The following NUP58 variants were observed in gnomAD, a reference collection of about 807,000 sequenced individuals.
The protein encoded by NUP58 is nucleoporin p58/p45.
In NUP58, 17 loss-of-function variants were observed where a neutral mutation model predicts 70.1. That is an observed-to-expected ratio of 0.24 (90% confidence interval 0.17 to 0.36). NUP58 has a LOEUF of 0.36. Ranked by LOEUF, NUP58 falls within the 10% of genes least tolerant of loss-of-function variation. The pLI, the probability that NUP58 is intolerant of heterozygous loss-of-function variation, is 1.00. For missense variants in NUP58, 644 were observed against 701.5 expected (o/e 0.92, Z 0.93); for synonymous variants, 275 against 257.6 (o/e 1.07, Z -0.65).
intron 3 of NUP58, among the ~76,000 whole-genome samples, chr13:25,348,927 C>T (rs2032078597): frequency 6.6e-6 from 1 of 152,126 alleles, no homozygotes; most frequent in African/African-American, 2.4e-5. Flanking sequence ...TTTACCAGTC[C>T]CTCCTGACAC....
intron 13 of NUP58, chr13:25,334,472 G>A: frequency 1.0e-6 from 1 of 985,036 alleles, no homozygotes; most frequent in African/African-American, 1.7e-5. Context: ...AAGGTGTAGT[G>A]TTAAATAGGA....
At chr13:25,310,519 CTT>C (rs34548230) in intron 3 of NUP58, among the ~76,000 whole-genome samples, 6 of 53,580 alleles carry the variant, frequency 1.1e-4, no homozygotes, top group African/African-American at 1.4e-4. Flanking sequence ...TGTGCCTGGC[CTT>C]TTTTTTTTTT....
At chr13:25,311,575 A>G (rs975455440) in intron 3 of NUP58, among the ~76,000 whole-genome samples, 3 of 151,390 alleles carry the variant, frequency 2.0e-5, no homozygotes, top group Non-Finnish European at 2.9e-5. Context: ...GGGTTTCACC[A>G]TGTTGGCCAG....
intron 13 of NUP58, chr13:25,332,339 GTGTC>G (rs1165243449): frequency 7.1e-6 from 7 of 985,262 alleles, no homozygotes; most frequent in Non-Finnish European, 8.4e-6. Context: ...ATTTGGTCCT[GTGTC>G]TTTCGGAGGT....
In NUP58 at chr13:25,337,580, C is replaced by T. The variant is rs117845434; in HGVS notation, c.1534+546C>T. Reference sequence around the variant, plus strand: ...CTTTCATAAGGTTAGTAAGGTAAGTCCTCTGCAAAAACATCATGCTAAATA... The same window carrying T: ...CTTTCATAAGGTTAGTAAGGTAAGTTCTCTGCAAAAACATCATGCTAAATA... On this transcript the variant is annotated intron_variant, in intron 14 of 15. Coordinates refer to ENST00000381736, the MANE Select transcript of NUP58 (RefSeq NM_014089.4). Among the ~76,000 whole-genome samples, 886 of 152,182 alleles carry T rather than the reference C, an allele frequency of 5.8e-3. 6 individuals carry two copies. The highest frequency in any genetic ancestry group is 0.013 in the South Asian group (63 of 4,826).
At chr13:25,322,161 T>C (rs1433429124) in intron 9 of NUP58, among the ~76,000 whole-genome samples, 1 of 152,224 alleles carries the variant, frequency 6.6e-6, no homozygotes, top group Non-Finnish European at 1.5e-5. Context: ...CCTGATCTGT[T>C]AATGAACTTC....
chr13:25,301,953 C>T (rs569463308), intron 1 of NUP58, 73 bp downstream of exon 1: 12 of 943,686 alleles, frequency 1.3e-5, no homozygotes, highest in African/African-American at 3.3e-5. Flanking sequence ...CCTTGGTGTC[C>T]CCATCCTGTC....
chr13:25,310,152 C>T, intron 3 of NUP58: 1 of 183,496 alleles, frequency 5.4e-6, no homozygotes, highest in Non-Finnish European at 1.2e-5. Context: ...AAGCGATCTT[C>T]TCTGGGGTTC....
intron 13 of NUP58, chr13:25,332,165 A>T (rs2031631291): frequency 2.9e-5 from 29 of 986,168 alleles, no homozygotes; most frequent in Non-Finnish European, 3.4e-5. Context: ...GAACAGCAAG[A>T]GCAGGAAAAA....
At chr13:25,332,730 A>G in intron 13 of NUP58, 1 of 985,468 alleles carries the variant, frequency 1.0e-6, no homozygotes, top group Non-Finnish European at 1.2e-6. Context: ...CCATGTGAAT[A>G]GTGGCTCGCA....
At position 25,301,662 on chromosome 13, in the gene NUP58, G is replaced by C. The variant is rs988584046; in HGVS notation, c.-112G>C. On this transcript the variant is annotated 5_prime_UTR_variant, in exon 1 of 16. Coordinates refer to ENST00000381736, the MANE Select transcript of NUP58 (RefSeq NM_014089.4). ...GCCGCCGTTGGGGCTGGAAGTTCCC[G>C]CCAGGTCCGTGCCGGGCGAGAGAGA... 1 of 544,790 alleles carries C rather than the reference G, an allele frequency of 1.8e-6. No homozygotes were observed. Among genetic ancestry groups the C allele is most frequent in the Non-Finnish European group, 3.0e-6 (1 of 329,376 alleles). 33.7% of individuals were successfully genotyped at this position (544,790 alleles called of 1,614,324 possible). A position where few individuals can be genotyped will look rare whatever the true frequency, so the allele number is the denominator to read the frequency against.
intron 9 of NUP58, among the ~76,000 whole-genome samples, 175 bp downstream of exon 9, chr13:25,321,268 T>C (rs1279379546): frequency 1.3e-5 from 2 of 152,238 alleles, no homozygotes; most frequent in Non-Finnish European, 2.9e-5. Flanking sequence ...GCGTTTTCTG[T>C]ATACAAGACA....
At chr13:25,344,390 G>A (rs542429861), downstream of NUP58, among the ~76,000 whole-genome samples, 5 of 152,232 alleles carry the variant, frequency 3.3e-5, no homozygotes, top group African/African-American at 1.2e-4. Flanking sequence ...ATAATCTAAA[G>A]CATTTGGATA....
At chr13:25,302,590 C>T (rs1005382582) in intron 1 of NUP58, among the ~76,000 whole-genome samples, 1 of 152,062 alleles carries the variant, frequency 6.6e-6, no homozygotes, top group Non-Finnish European at 1.5e-5. Context: ...ACATAACTAT[C>T]CAGAAAGAAA....
intron 13 of NUP58, chr13:25,335,345 G>A: frequency 2.0e-6 from 2 of 985,380 alleles, no homozygotes; most frequent in African/African-American, 3.5e-5. Flanking sequence ...TTACAAGGCT[G>A]AGGGCTGTGG....
intron 13 of NUP58, chr13:25,335,403 C>A: frequency 6.1e-6 from 6 of 985,320 alleles, no homozygotes; most frequent in Non-Finnish European, 7.2e-6. Flanking sequence ...TCCTATTAAC[C>A]TGTGACAAAC....
chr13:25,302,635 C>T (rs2030083114), intron 1 of NUP58, among the ~76,000 whole-genome samples: 1 of 152,076 alleles, frequency 6.6e-6, no homozygotes, highest in Non-Finnish European at 1.5e-5. Context: ...GAGATTTAAG[C>T]TTTAGAACTC....
At chr13:25,313,781 G>A (rs372813893) in intron 5 of NUP58, 30 bp downstream of exon 5, 1 of 1,473,352 alleles carries the variant, frequency 6.8e-7, no homozygotes, top group Non-Finnish European at 9.0e-7. Context: ...CTCCAGAATA[G>A]TAAATATTTA....
At chr13:25,346,509 C>T (rs1043087475), downstream of NUP58, among the ~76,000 whole-genome samples, 2 of 152,040 alleles carry the variant, frequency 1.3e-5, no homozygotes, top group African/African-American at 4.8e-5. Context: ...CACCTGAGGT[C>T]GGGAGTTCAA....
Sources: gnomAD v4.1 joint callset for allele counts (sites outside exome capture counted in the v4.1 genomes callset) on GRCh38, gnomAD v4.1.1 for gene constraint, MANE v1.5 for transcripts, NCBI Gene and HGNC (gene_info 2026-07-23, HGNC 2026-07-21) for gene names.